The following LGR6 variants were observed in gnomAD, a reference collection of about 807,000 sequenced individuals.
LGR6 encodes leucine rich repeat containing G protein-coupled receptor 6.
Under a neutral mutation model 69.4 loss-of-function variants are expected in LGR6, and 45 were observed. The observed-to-expected ratio is 0.65, with a 90% CI of 0.51 to 0.83. The LOEUF (loss-of-function observed/expected upper bound fraction) is 0.83. Among genes scored for constraint, LGR6 ranks in the 40% least tolerant of loss-of-function variants. The pLI, the probability that LGR6 is intolerant of heterozygous loss-of-function variation, is 0.00. For missense variants in LGR6, 1,108 were observed against 1,246.7 expected (o/e 0.89, Z 1.68); for synonymous variants, 538 against 555.0 (o/e 0.97, Z 0.43).
intron 6 of LGR6, among the ~76,000 whole-genome samples, chr1:202,283,789 A>G (rs1248483773): frequency 6.6e-6 from 1 of 151,932 alleles, no homozygotes; most frequent in Non-Finnish European, 1.5e-5. Flanking sequence ...GCCCCACCCC[A>G]CAACCCAGCA....
At chr1:202,230,676 T>G (rs1660954601) in intron 3 of LGR6, among the ~76,000 whole-genome samples, 1 of 152,178 alleles carries the variant, frequency 6.6e-6, no homozygotes, top group South Asian at 2.1e-4. Context: ...TCTCCAGTCT[T>G]TATCTCAAAA....
At chr1:202,307,679 C>T (rs1318828416) in intron 14 of LGR6, among the ~76,000 whole-genome samples, 7 of 152,210 alleles carry the variant, frequency 4.6e-5, no homozygotes, top group Non-Finnish European at 7.3e-5. Context: ...GTCCCATCCC[C>T]ATCCTCTCTA....
chr1:202,215,259 T>C lies in LGR6; in HGVS notation c.213-10164T>C, dbSNP rs1351434966. ...AAACAAACAAGGCTCAGAGATGTGG[T>C]CTGACTTCACCTCCCCAATCCTTGT... On this transcript the variant is annotated intron_variant, in intron 1 of 17. Transcript: ENST00000367278. Among the ~76,000 whole-genome samples, 3 of 152,240 alleles carry C rather than the reference T, an allele frequency of 2.0e-5. No homozygotes were observed. In the East Asian group the frequency reaches 5.8e-4, roughly 29 times the overall value.
At chr1:202,310,440 G>A in intron 16 of LGR6, 83 bp downstream of exon 16, 2 of 1,369,428 alleles carry the variant, frequency 1.5e-6, no homozygotes, top group East Asian at 2.4e-5. Context: ...GACCTGAGAG[G>A]GAATCTGACA....
chr1:202,265,396 G>A (rs1664565195), intron 4 of LGR6, among the ~76,000 whole-genome samples: 1 of 152,210 alleles, frequency 6.6e-6, no homozygotes, highest in South Asian at 2.1e-4. Flanking sequence ...GGCACTGCTG[G>A]GATGCAAGGG....
At chr1:202,264,344 T>C (rs897555521) in intron 4 of LGR6, among the ~76,000 whole-genome samples, 1 of 152,224 alleles carries the variant, frequency 6.6e-6, no homozygotes, top group Non-Finnish European at 1.5e-5. Context: ...TTTAAGTATC[T>C]TTAAAACTCT....
chr1:202,222,646 G>A (rs543832641), intron 1 of LGR6, among the ~76,000 whole-genome samples: 7 of 152,188 alleles, frequency 4.6e-5, no homozygotes, highest in African/African-American at 1.7e-4. Flanking sequence ...TGGGACACCA[G>A]GGGGAGGAGT....
At chr1:202,212,429 A>G (rs1016727280) in intron 1 of LGR6, among the ~76,000 whole-genome samples, 5 of 152,220 alleles carry the variant, frequency 3.3e-5, no homozygotes, top group Non-Finnish European at 7.3e-5. Context: ...AAGTACCGCA[A>G]ACTGGGTGGC....
intron 1 of LGR6, among the ~76,000 whole-genome samples, chr1:202,222,546 A>G (rs984872492): frequency 2.6e-5 from 4 of 152,166 alleles, no homozygotes; most frequent in Non-Finnish European, 5.9e-5. Context: ...CTGTCGAGAC[A>G]CATCCAGAAA....
intron 1 of LGR6, among the ~76,000 whole-genome samples, chr1:202,218,468 TTTAA>T (rs1325692172): frequency 6.6e-6 from 1 of 152,090 alleles, no homozygotes. Context: ...CTGGCTAGTT[TTTAA>T]TTTTGTATAG....
intron 11 of LGR6, among the ~76,000 whole-genome samples, chr1:202,305,162 C>T (rs1032493275): frequency 4.6e-5 from 7 of 152,170 alleles, no homozygotes; most frequent in Non-Finnish European, 1.0e-4. Flanking sequence ...TCCGGAGACA[C>T]AGGCTCCAGA....
In LGR6 at chr1:202,243,942, TTTGTTGTTG is replaced by T. The variant is rs3062624; in HGVS notation, c.428+7970_428+7978del. Among the ~76,000 whole-genome samples, 113 of 150,574 alleles carry T rather than the reference TTTGTTGTTG, an allele frequency of 7.5e-4. 1 individual carries two copies. The highest frequency in any genetic ancestry group is 2.2e-3 in the African/African-American group (90 of 40,782). On this transcript the variant is annotated intron_variant, in intron 4 of 17. Transcript: ENST00000367278. Reference sequence around the variant, plus strand: ...AGATAAGAATAAAAAACAAAGTCTTTTTGTTGTTGTTGTTGTTGTTGTTGTTGTTTTTGA... The same window carrying T: ...AGATAAGAATAAAAAACAAAGTCTTTTTGTTGTTGTTGTTGTTGTTTTTGA...
chr1:202,257,926 G>A (rs1663910309), intron 4 of LGR6, among the ~76,000 whole-genome samples: 1 of 152,006 alleles, frequency 6.6e-6, no homozygotes. Context: ...TAACAATATT[G>A]TCTTCCAATC....
intron 16 of LGR6, 128 bp from the exon 17 acceptor site, chr1:202,314,674 G>C (rs1654006089): frequency 1.5e-6 from 1 of 681,378 alleles, no homozygotes; most frequent in Admixed American, 2.3e-5. Context: ...GATGTGCCGG[G>C]TTGCTAGAAT....
chr1:202,296,023 G>A (rs1036219799), intron 6 of LGR6, among the ~76,000 whole-genome samples: 12 of 152,022 alleles, frequency 7.9e-5, no homozygotes, highest in African/African-American at 2.4e-4. Context: ...ACCCTGTCAC[G>A]CAGAGGAGCC....
At chr1:202,248,654 C>T (rs997598323) in intron 4 of LGR6, among the ~76,000 whole-genome samples, 1 of 152,154 alleles carries the variant, frequency 6.6e-6, no homozygotes, top group Non-Finnish European at 1.5e-5. Flanking sequence ...GCTGCCGTGG[C>T]GTGGCAGTCA....
rs141187496 is a variant in LGR6 at position 202,260,364 on chromosome 1, C to T, written c.429-15942C>T. Reference sequence around the variant, plus strand: ...TATTTTATTTTTTCAGACAGAGTCTCGCTCTGTCGCCCAGGCTGTAGTGCA... The same window carrying T: ...TATTTTATTTTTTCAGACAGAGTCTTGCTCTGTCGCCCAGGCTGTAGTGCA... On this transcript the variant is annotated intron_variant, in intron 4 of 17. Transcript: ENST00000367278. Among the ~76,000 whole-genome samples, 1,400 of 152,076 alleles carry T rather than the reference C, an allele frequency of 9.2e-3. 30 individuals carry two copies. The highest frequency in any genetic ancestry group is 0.032 in the African/African-American group (1,333 of 41,444).
chr1:202,300,788 A>G (rs547512713), intron 7 of LGR6, 61 bp from the exon 8 acceptor site: 3 of 1,247,030 alleles, frequency 2.4e-6, no homozygotes, highest in South Asian at 2.8e-5. Flanking sequence ...GTGGAATTCC[A>G]TGCCTCTCCC....
chr1:202,317,881 G>A (rs1654265906), intron 17 of LGR6, 71 bp from the exon 18 acceptor site: 1 of 1,407,118 alleles, frequency 7.1e-7, no homozygotes, highest in East Asian at 2.3e-5. Flanking sequence ...GAATACAGAG[G>A]CTGACCTTGG....
Sources: gnomAD v4.1 joint callset for allele counts (sites outside exome capture counted in the v4.1 genomes callset) on GRCh38, gnomAD v4.1.1 for gene constraint, MANE v1.5 for transcripts, NCBI Gene and HGNC (gene_info 2026-07-23, HGNC 2026-07-21) for gene names.